The following STXBP4 variants were observed in gnomAD, a reference collection of about 807,000 sequenced individuals.
STXBP4 encodes the protein syntaxin binding protein 4.
A neutral mutation model predicts 76.1 loss-of-function variants in STXBP4; 55 were observed. The ratio of observed to expected loss-of-function variants is 0.72; its 90% confidence interval spans 0.58 to 0.91. The LOEUF (loss-of-function observed/expected upper bound fraction) is 0.91, where lower values mean the gene tolerates loss of function less well. Ranked by LOEUF, STXBP4 falls within the 40% of genes least tolerant of loss-of-function variation. STXBP4 has a pLI of 0.00. For synonymous variants in STXBP4, 201 were observed against 220.2 expected, an observed-to-expected ratio of 0.91 and a Z score of 0.77; for missense variants, 618 against 636.9, an observed-to-expected ratio of 0.97 and a Z score of 0.32.
At chr17:55,018,635 A>C (rs1025457312) in intron 8 of STXBP4, among the ~76,000 whole-genome samples, 2 of 152,248 alleles carry the variant, frequency 1.3e-5, no homozygotes, top group African/African-American at 4.8e-5. Context: ...AAAAGGAGTC[A>C]GCAAAGGGTG....
At chr17:55,190,735 C>A in the STXBP4 span, among the ~76,000 whole-genome samples, 1 of 152,130 alleles carries the variant, frequency 6.6e-6, no homozygotes, top group Non-Finnish European at 1.5e-5. Flanking sequence ...ACTCCCTGAG[C>A]TTTTACACTG....
chr17:55,196,007 T>A, the STXBP4 span, among the ~76,000 whole-genome samples: 1 of 152,158 alleles, frequency 6.6e-6, no homozygotes, highest in Non-Finnish European at 1.5e-5. Flanking sequence ...TCCTGCCATA[T>A]CCCTACTGCT....
chr17:55,083,990 A>G (rs1348145433), intron 16 of STXBP4, among the ~76,000 whole-genome samples: 1 of 152,158 alleles, frequency 6.6e-6, no homozygotes, highest in Non-Finnish European at 1.5e-5. Context: ...ATCTTTGGAG[A>G]ATAATATGTG....
At chr17:55,027,475 G>T (rs1030469295) in intron 8 of STXBP4, among the ~76,000 whole-genome samples, 1 of 152,082 alleles carries the variant, frequency 6.6e-6, no homozygotes, top group African/African-American at 2.4e-5. Flanking sequence ...AACACTACTC[G>T]GGTAAACAGG....
At position 55,167,202 on chromosome 17, in the gene STXBP4, G is replaced by A. The variant is rs1392535607; in HGVS notation, c.*7291G>A. ...TAATTTGGATAGGAAAGTAGGGCAT[G>A]TGTCATCTCTCCTAGTAGACTGTGA... On this transcript the variant is annotated 3_prime_UTR_variant, in exon 18 of 18. Coordinates refer to ENST00000376352, the MANE Select transcript of STXBP4 (RefSeq NM_178509.6). The A allele has an allele frequency of 6.6e-6, 1 of 152,198 alleles. No individual in the cohort carries two copies. The highest frequency in any genetic ancestry group is 1.5e-5 in the Non-Finnish European group (1 of 68,036). 9.4% of individuals were successfully genotyped at this position (152,198 alleles called of 1,614,324 possible).
chr17:55,133,248 G>A (rs2079992094), intron 16 of STXBP4, among the ~76,000 whole-genome samples: 1 of 152,058 alleles, frequency 6.6e-6, no homozygotes, highest in South Asian at 2.1e-4. Flanking sequence ...GATTACATAT[G>A]GGATGTAAAA....
Position 55,167,808 on chromosome 17 carries a change from T to C in STXBP4, c.*7897T>C, listed in dbSNP as rs1010468187. ...CTATAAGTAACCCCACTGGAATTGCTTGACTGTTCTGTTTCACAGTGGAGA... is the reference window on the plus strand; with the variant it reads ...CTATAAGTAACCCCACTGGAATTGCCTGACTGTTCTGTTTCACAGTGGAGA... On this transcript the variant is annotated 3_prime_UTR_variant, in exon 18 of 18. Coordinates refer to ENST00000376352, the MANE Select transcript of STXBP4 (RefSeq NM_178509.6). The C allele has an allele frequency of 2.0e-5, 3 of 152,158 alleles. No homozygotes were observed. Among genetic ancestry groups the C allele is most frequent in the Admixed American group, 2.0e-4 (3 of 15,282 alleles). The allele number at this position is 152,158 out of a possible 1,614,324, so 9.4% of individuals were successfully genotyped here.
At chr17:55,158,813 T>G (rs1255061142) in intron 17 of STXBP4, among the ~76,000 whole-genome samples, 1 of 152,246 alleles carries the variant, frequency 6.6e-6, no homozygotes, top group African/African-American at 2.4e-5. Flanking sequence ...TAGGAAGGCC[T>G]AAAAATAAAC....
In STXBP4 at chr17:55,028,844, AG is replaced by A. The variant is rs200557509; in HGVS notation, c.667-2322del. The stretch of plus-strand genomic sequence containing the variant: ...CAGCAGATGCTGTTAAATCTCAAAA[AG>A]GAAAAAAAAGAATGTAGAAAAATAG... On this transcript the variant is annotated intron_variant, in intron 8 of 17. Transcript: ENST00000376352. Among the ~76,000 whole-genome samples the A allele has an allele frequency of 3.2e-3, 481 of 152,304 alleles. 12 individuals are homozygous for A. Among genetic ancestry groups the A allele is most frequent in the East Asian group, 0.025 (131 of 5,192 alleles).
intron 11 of STXBP4, chr17:55,043,772 G>A: frequency 1.2e-6 from 1 of 851,266 alleles, no homozygotes; most frequent in Non-Finnish European, 1.8e-6. Flanking sequence ...TTTTAGAGAG[G>A]AAAAAAACAC....
chr17:55,000,805 C>T lies in STXBP4; in HGVS notation c.499-3C>T, dbSNP rs2077899129. ...ATTGCATGTTCCTCATTTTCTTTCACAGATAAAAACTGGATACAACAAAAC... is the reference window on the plus strand; with the variant it reads ...ATTGCATGTTCCTCATTTTCTTTCATAGATAAAAACTGGATACAACAAAAC... On this transcript the variant is annotated splice_polypyrimidine_tract_variant and splice_region_variant and intron_variant, in intron 6 of 17. Transcript: ENST00000376352. 2 of 1,599,290 alleles carry T rather than the reference C, an allele frequency of 1.3e-6. No individual in the cohort carries two copies. Among genetic ancestry groups the T allele is most frequent in the Admixed American group, 3.4e-5 (2 of 59,666 alleles).
At chr17:55,104,929 T>C (rs1347801943) in intron 16 of STXBP4, among the ~76,000 whole-genome samples, 2 of 152,198 alleles carry the variant, frequency 1.3e-5, no homozygotes, top group African/African-American at 2.4e-5. Flanking sequence ...GTGTTTATAG[T>C]ATTCTCTCAT....
chr17:55,179,517 T>C, the STXBP4 span, among the ~76,000 whole-genome samples: 8 of 152,176 alleles, frequency 5.3e-5, 1 homozygote, highest in Admixed American at 1.3e-4. Flanking sequence ...AAAAGCTATA[T>C]ACAGTTGATC....
chr17:55,055,776 T>A (rs1055246224), intron 12 of STXBP4, among the ~76,000 whole-genome samples: 7 of 152,218 alleles, frequency 4.6e-5, no homozygotes, highest in African/African-American at 1.7e-4. Flanking sequence ...CTGGTCTCTT[T>A]GCACCATCTT....
At chr17:55,055,055 T>C (rs773908695) in intron 12 of STXBP4, among the ~76,000 whole-genome samples, 58 of 152,194 alleles carry the variant, frequency 3.8e-4, no homozygotes, top group Non-Finnish European at 8.8e-5. Context: ...TAATAGTACC[T>C]ACCTTACAAT....
At chr17:55,007,232 G>C (rs577470396) in intron 7 of STXBP4, among the ~76,000 whole-genome samples, 1 of 151,890 alleles carries the variant, frequency 6.6e-6, no homozygotes, top group East Asian at 1.9e-4. Context: ...CCAGCTACTT[G>C]GGAGGCTGAG....
chr17:55,011,508 CT>C (rs3080154), intron 8 of STXBP4, among the ~76,000 whole-genome samples: 49 of 85,918 alleles, frequency 5.7e-4, no homozygotes, highest in East Asian at 2.9e-3. Flanking sequence ...TTTTCTTTTT[CT>C]TTTTTTTTTT....
intron 16 of STXBP4, among the ~76,000 whole-genome samples, chr17:55,117,870 G>A (rs1248934736): frequency 6.6e-6 from 1 of 151,884 alleles, no homozygotes; most frequent in Admixed American, 6.6e-5. Context: ...TATTGATTGA[G>A]TACCTGTGTG....
At chr17:55,066,140 A>G (rs2079048027) in intron 12 of STXBP4, among the ~76,000 whole-genome samples, 1 of 152,190 alleles carries the variant, frequency 6.6e-6, no homozygotes, top group African/African-American at 2.4e-5. Context: ...CTTCAAGATT[A>G]TTTAGTCTTA....
Sources: gnomAD v4.1 joint callset for allele counts (sites outside exome capture counted in the v4.1 genomes callset) on GRCh38, gnomAD v4.1.1 for gene constraint, MANE v1.5 for transcripts, NCBI Gene and HGNC (gene_info 2026-07-23, HGNC 2026-07-21) for gene names.